The following SLC16A9 variants were observed in gnomAD, a reference collection of about 807,000 sequenced individuals.
SLC16A9 encodes solute carrier family 16 member 9.
Under a neutral mutation model 44.3 loss-of-function variants are expected in SLC16A9, and 26 were observed. The ratio of observed to expected loss-of-function variants is 0.59; its 90% CI spans 0.43 to 0.81. The LOEUF is 0.81. Among genes scored for constraint, SLC16A9 ranks in the 40% least tolerant of loss-of-function variants. The pLI, the probability that SLC16A9 is intolerant of heterozygous loss-of-function variation, is 0.00. For synonymous variants in SLC16A9, 230 were observed against 225.1 expected, an observed-to-expected ratio of 1.02 and a Z score of -0.19; for missense variants, 559 against 595.8, an observed-to-expected ratio of 0.94 and a Z score of 0.64.
At chr10:59,694,315 G>A (rs976659012) in intron 1 of SLC16A9, among the ~76,000 whole-genome samples, 4 of 152,124 alleles carry the variant, frequency 2.6e-5, no homozygotes, top group Admixed American at 2.0e-4. Flanking sequence ...ATCAAGATGG[G>A]ATTAAGCTAC....
chr10:59,657,048 T>C (rs1195429348), intron 4 of SLC16A9, among the ~76,000 whole-genome samples: 5 of 152,164 alleles, frequency 3.3e-5, no homozygotes, highest in Non-Finnish European at 7.3e-5. Flanking sequence ...GTGTACAATC[T>C]CTGTCCCAAA....
chr10:59,684,553 G>T (rs1037015978), intron 1 of SLC16A9, among the ~76,000 whole-genome samples: 16 of 151,952 alleles, frequency 1.1e-4, no homozygotes, highest in African/African-American at 3.4e-4. Context: ...ATTATAAAAA[G>T]GCATAAAGTG....
intron 1 of SLC16A9, among the ~76,000 whole-genome samples, chr10:59,705,573 A>G (rs1427522922): frequency 6.6e-6 from 1 of 152,194 alleles, no homozygotes. Flanking sequence ...TATACACTGC[A>G]TATTGCCCCA....
At chr10:59,696,030 C>T (rs1182540131) in intron 1 of SLC16A9, among the ~76,000 whole-genome samples, 3 of 152,116 alleles carry the variant, frequency 2.0e-5, no homozygotes, top group Non-Finnish European at 4.4e-5. Flanking sequence ...AGATCAGAGG[C>T]GGTGTGACCC....
chr10:59,663,688 C>T (rs529209036), intron 4 of SLC16A9, among the ~76,000 whole-genome samples: 2 of 151,978 alleles, frequency 1.3e-5, no homozygotes, highest in South Asian at 2.1e-4. Context: ...AGCAAACCAC[C>T]GTGGCACATG....
chr10:59,678,270 G>T (rs1290202325), intron 2 of SLC16A9, among the ~76,000 whole-genome samples: 1 of 151,892 alleles, frequency 6.6e-6, no homozygotes, highest in African/African-American at 2.4e-5. Context: ...GCCTGTGAAG[G>T]TCCTACCTTT....
chr10:59,681,798 GTATATGTATATGTA>G (rs1291690871), intron 2 of SLC16A9, among the ~76,000 whole-genome samples: 21 of 40,970 alleles, frequency 5.1e-4, no homozygotes, highest in African/African-American at 1.5e-3. Context: ...ATATGTATAT[GTATATGTATATGTA>G]TATATGATGT....
intron 1 of SLC16A9, among the ~76,000 whole-genome samples, chr10:59,690,080 G>A (rs2132510418): frequency 6.6e-6 from 1 of 152,270 alleles, no homozygotes; most frequent in South Asian, 2.1e-4. Context: ...CCAGCTACTT[G>A]GGAGGCTGAG....
intron 3 of SLC16A9, among the ~76,000 whole-genome samples, chr10:59,672,234 C>G (rs1839766760): frequency 6.6e-6 from 1 of 152,120 alleles, no homozygotes; most frequent in African/African-American, 2.4e-5. Context: ...CAGCATCATC[C>G]CACCACTCAG....
intron 1 of SLC16A9, among the ~76,000 whole-genome samples, chr10:59,697,183 T>C (rs1207177360): frequency 6.7e-6 from 1 of 148,180 alleles, no homozygotes; most frequent in Non-Finnish European, 1.5e-5. Context: ...CCGCCCCTAC[T>C]GGGAAGTGAG....
In SLC16A9 at chr10:59,680,853, T is replaced by C. The variant is rs146446044; in HGVS notation, c.196+3243A>G. Among the ~76,000 whole-genome samples, 498 of 152,112 alleles carry C rather than the reference T, an allele frequency of 3.3e-3. 1 individual carries two copies. The highest frequency in any genetic ancestry group is 0.011 in the African/African-American group (476 of 41,478). ...AAAAAAATAGTTGGGCATGGTGGCA[T>C]GCACCTGTAGTCCCAGCTACTCAAG... On this transcript the variant is annotated intron_variant, in intron 2 of 5. Transcript: ENST00000395348.
At chr10:59,678,321 A>G (rs1349186348) in intron 2 of SLC16A9, among the ~76,000 whole-genome samples, 4 of 151,438 alleles carry the variant, frequency 2.6e-5, no homozygotes. Context: ...AGCTCCTCCA[A>G]ATTGCAGGTT....
At chr10:59,697,782 AAAAT>A (rs1179475891) in intron 1 of SLC16A9, among the ~76,000 whole-genome samples, 2 of 150,548 alleles carry the variant, frequency 1.3e-5, no homozygotes, top group Non-Finnish European at 3.0e-5. Context: ...AAAAAATAAA[AAAAT>A]AAAAAAAAGA....
At chr10:59,655,648 G>A (rs1198716935) in intron 4 of SLC16A9, among the ~76,000 whole-genome samples, 1 of 152,084 alleles carries the variant, frequency 6.6e-6, no homozygotes. Flanking sequence ...AACACAGAGG[G>A]TTGCCAAGTT....
At chr10:59,697,962 T>TAAAA (rs34931109) in intron 1 of SLC16A9, among the ~76,000 whole-genome samples, 25 of 136,104 alleles carry the variant, frequency 1.8e-4, no homozygotes, top group Non-Finnish European at 3.0e-4. Flanking sequence ...GGGCACACAG[T>TAAAA]AAAAAAAAAA....
At chr10:59,663,296 G>A (rs1033639106) in intron 4 of SLC16A9, among the ~76,000 whole-genome samples, 1 of 152,144 alleles carries the variant, frequency 6.6e-6, no homozygotes, top group Non-Finnish European at 1.5e-5. Flanking sequence ...GGGAGGCAGA[G>A]GTTGTGGTGA....
At chr10:59,691,449 G>A (rs1840251125) in intron 1 of SLC16A9, among the ~76,000 whole-genome samples, 1 of 152,106 alleles carries the variant, frequency 6.6e-6, no homozygotes, top group African/African-American at 2.4e-5. Flanking sequence ...ACTTGAACTT[G>A]TAAGCATCTT....
At chr10:59,696,175 T>C (rs1840367764) in intron 1 of SLC16A9, among the ~76,000 whole-genome samples, 1 of 152,202 alleles carries the variant, frequency 6.6e-6, no homozygotes, top group Non-Finnish European at 1.5e-5. Flanking sequence ...ACTGTGCTGC[T>C]GCCATCTTGG....
intron 1 of SLC16A9, among the ~76,000 whole-genome samples, chr10:59,691,813 AT>A (rs1840259288): frequency 6.6e-6 from 1 of 152,172 alleles, no homozygotes; most frequent in Non-Finnish European, 1.5e-5. Context: ...TTGGCTGAAA[AT>A]TTCTGCTCTG....
Sources: allele counts gnomAD v4.1 joint callset (sites outside exome capture counted in the v4.1 genomes callset), GRCh38; gene constraint gnomAD v4.1.1; transcripts MANE v1.5; gene names NCBI Gene and HGNC (gene_info 2026-07-23, HGNC 2026-07-21).